PTBP3: variants seen among roughly 807,000 people sequenced by gnomAD.
PTBP3 encodes the protein polypyrimidine tract binding protein 3.
In PTBP3, 20 loss-of-function variants were observed where a neutral mutation model predicts 58.7. That is an observed-to-expected ratio of 0.34 (90% CI 0.24 to 0.50). The LOEUF is 0.50. PTBP3 is among the 20% of genes least tolerant of loss of function. The probability of loss-of-function intolerance (pLI) is 0.98; values close to 1 mark genes in which losing one functional copy is unlikely to be tolerated. For synonymous variants in PTBP3, 185 were observed against 219.8 expected, an observed-to-expected ratio of 0.84 and a Z score of 1.40; for missense variants, 509 against 637.2, an observed-to-expected ratio of 0.80 and a Z score of 2.17.
intron 1 of PTBP3, among the ~76,000 whole-genome samples, chr9:112,320,358 T>C (rs1293730052): frequency 1.5e-5 from 2 of 131,554 alleles, no homozygotes; most frequent in African/African-American, 2.9e-5. Context: ...TAAGTGACAA[T>C]GCATATGTTA....
intron 1 of PTBP3, among the ~76,000 whole-genome samples, chr9:112,313,701 CAG>C (rs2132402503): frequency 1.3e-5 from 2 of 152,310 alleles, no homozygotes; most frequent in Admixed American, 1.3e-4. Flanking sequence ...TCACTTTTAT[CAG>C]AGTGAGCAAA....
intron 2 of PTBP3, among the ~76,000 whole-genome samples, chr9:112,279,227 T>C (rs1277694727): frequency 1.3e-5 from 2 of 152,170 alleles, no homozygotes; most frequent in Non-Finnish European, 2.9e-5. Context: ...TTTAAATAAT[T>C]ATTTTCTGTA....
the PTBP3 span, among the ~76,000 whole-genome samples, chr9:112,359,819 C>A: frequency 1.5e-5 from 2 of 135,910 alleles, no homozygotes; most frequent in South Asian, 2.5e-4. Context: ...GACTCCATCT[C>A]AAAAAATAAA....
Position 112,221,381 on chromosome 9 carries a change from C to T in PTBP3, c.*2470G>A. On this transcript the variant is annotated 3_prime_UTR_variant, in exon 14 of 14. Transcript: ENST00000374257. ...CCATTCCCTACTTCAAAGTTACATT[C>T]AACACCACTATGATCCCCTTCCGTT... 1.0e-6 allele frequency: 1 copy of T among 985,826 alleles called. No homozygotes were observed. The highest frequency in any genetic ancestry group is 1.7e-5 in the African/African-American group (1 of 57,356). 61.1% of individuals were successfully genotyped at this position (985,826 alleles called of 1,614,324 possible). A position where few individuals can be genotyped will look rare whatever the true frequency, so the allele number is the denominator to read the frequency against.
intron 7 of PTBP3, among the ~76,000 whole-genome samples, chr9:112,244,901 T>C (rs1835817586): frequency 1.3e-5 from 2 of 152,150 alleles, no homozygotes; most frequent in African/African-American, 2.4e-5. Context: ...ATTGCCAAGA[T>C]AGTCTTGAAG....
At chr9:112,257,940 CAAAAAAAAAAAA>C (rs56934009) in intron 5 of PTBP3, among the ~76,000 whole-genome samples, 4 of 119,324 alleles carry the variant, frequency 3.4e-5, no homozygotes, top group Non-Finnish European at 7.5e-5. Flanking sequence ...GACTCCATCT[CAAAAAAAAAAAA>C]AAAAAAAAAA....
chr9:112,301,879 G>A (rs1459166376), intron 1 of PTBP3, among the ~76,000 whole-genome samples: 1 of 152,088 alleles, frequency 6.6e-6, no homozygotes. Context: ...CTAATTGTTT[G>A]AAAAGTTTAA....
At chr9:112,279,829 C>A (rs1190506347) in intron 2 of PTBP3, among the ~76,000 whole-genome samples, 1 of 152,140 alleles carries the variant, frequency 6.6e-6, no homozygotes, top group South Asian at 2.1e-4. Context: ...CAGTAAAGTT[C>A]TGTAGTTTTC....
At chr9:112,290,454 T>G (rs1014085628) in intron 2 of PTBP3, among the ~76,000 whole-genome samples, 31 of 151,814 alleles carry the variant, frequency 2.0e-4, no homozygotes, top group African/African-American at 7.5e-4. Context: ...GTGGGATTAC[T>G]TGAGGTCAAG....
At chr9:112,282,795 C>G (rs1247169388) in intron 2 of PTBP3, among the ~76,000 whole-genome samples, 1 of 152,090 alleles carries the variant, frequency 6.6e-6, no homozygotes, top group Non-Finnish European at 1.5e-5. Flanking sequence ...ATACAGCCTG[C>G]CTATCTTGGT....
intron 5 of PTBP3, among the ~76,000 whole-genome samples, chr9:112,258,205 G>A (rs1028278130): frequency 1.3e-5 from 2 of 152,146 alleles, no homozygotes; most frequent in African/African-American, 4.8e-5. Context: ...CCATTCCCAT[G>A]TATAACAGTA....
chr9:112,302,993 G>C (rs565503503), intron 1 of PTBP3, among the ~76,000 whole-genome samples: 43 of 152,160 alleles, frequency 2.8e-4, no homozygotes, highest in African/African-American at 9.6e-4. Context: ...TCGATAAACT[G>C]TTACCTACTT....
chr9:112,379,810 A>T, the PTBP3 span: 2 of 436,406 alleles, frequency 4.6e-6, no homozygotes, highest in Non-Finnish European at 8.2e-6. Context: ...GACAGGGAAA[A>T]GGTGGACGTA....
chr9:112,376,241 G>C, the PTBP3 span, among the ~76,000 whole-genome samples: 1 of 120,726 alleles, frequency 8.3e-6, no homozygotes, highest in Non-Finnish European at 1.7e-5. Context: ...GTGTGTAGGG[G>C]AGTTTATTAA....
chr9:112,323,650 T>C (rs1174263794), intron 1 of PTBP3, among the ~76,000 whole-genome samples: 1 of 152,198 alleles, frequency 6.6e-6, no homozygotes. Flanking sequence ...AAGAATACTT[T>C]CAGTAGGCTG....
chr9:112,253,327 G>T, intron 5 of PTBP3, among the ~76,000 whole-genome samples: 1 of 152,166 alleles, frequency 6.6e-6, no homozygotes, highest in East Asian at 1.9e-4. Flanking sequence ...AAAAATAAAA[G>T]AAGGGAAGGG....
chr9:112,336,471 GTTTCTT>G (rs1309461360), upstream of PTBP3, among the ~76,000 whole-genome samples: 6 of 149,652 alleles, frequency 4.0e-5, no homozygotes, highest in Admixed American at 4.0e-4. Flanking sequence ...CCAATTTACA[GTTTCTT>G]TATTTAAAAA....
chr9:112,299,849 ATAAGAGCATATCTCAAATAG>A (rs1828841147), intron 1 of PTBP3, among the ~76,000 whole-genome samples: 1 of 152,254 alleles, frequency 6.6e-6, no homozygotes, highest in African/African-American at 2.4e-5. Flanking sequence ...TCCCTCTGAA[ATAAGAGCATATCTCAAATAG>A]GAGGTACTCT....
chr9:112,261,546 T>C (rs1039007189), intron 5 of PTBP3, among the ~76,000 whole-genome samples: 4 of 152,198 alleles, frequency 2.6e-5, no homozygotes, highest in African/African-American at 9.7e-5. Context: ...GGCATGACTC[T>C]GTCAAATGAA....
Sources: allele counts gnomAD v4.1 joint callset (sites outside exome capture counted in the v4.1 genomes callset), GRCh38; gene constraint gnomAD v4.1.1; transcripts MANE v1.5; gene names NCBI Gene and HGNC (gene_info 2026-07-23, HGNC 2026-07-21).